SEC14L3: variants seen among roughly 807,000 people sequenced by gnomAD.
SEC14L3 encodes SEC14-like protein 3.
A neutral mutation model predicts 57.4 loss-of-function variants in SEC14L3; 56 were observed. The ratio of observed to expected loss-of-function variants is 0.97; its 90% confidence interval spans 0.79 to 1.22. SEC14L3 has a LOEUF of 1.22. Among genes scored for constraint, SEC14L3 ranks in the 50% most tolerant of loss-of-function variants. The pLI, the probability that SEC14L3 is intolerant of heterozygous loss-of-function variation, is 0.00. For synonymous variants in SEC14L3, 173 were observed against 194.4 expected (o/e 0.89, Z 0.92); for missense variants, 485 against 511.7 (o/e 0.95, Z 0.50).
chr22:30,449,604 G>T (rs1297514541), intron 12 of SEC14L3, among the ~76,000 whole-genome samples: 20 of 145,054 alleles, frequency 1.4e-4, no homozygotes, highest in Non-Finnish European at 2.7e-4. Flanking sequence ...TTGCTCTGTC[G>T]CCCAGGCTGG....
chr22:30,460,218 G>C, intron 11 of SEC14L3, 76 bp from the exon 12 acceptor site: 1 of 1,567,282 alleles, frequency 6.4e-7, no homozygotes, highest in Non-Finnish European at 8.7e-7. Context: ...CATGGAGGAG[G>C]ACAGGCTTGT....
intron 1 of SEC14L3, among the ~76,000 whole-genome samples, chr22:30,471,600 G>A (rs767413787): frequency 2.0e-5 from 3 of 152,106 alleles, no homozygotes; most frequent in Admixed American, 6.6e-5. Flanking sequence ...AGGGAGGAAC[G>A]GGGGTACCTG....
chr22:30,467,797 A>G (rs781206993), intron 5 of SEC14L3, among the ~76,000 whole-genome samples: 15 of 152,228 alleles, frequency 9.9e-5, no homozygotes, highest in African/African-American at 3.4e-4. Flanking sequence ...AATAGCTACC[A>G]TTGTTGAGAA....
At position 30,470,382 on chromosome 22, in the gene SEC14L3, G is replaced by C. The variant is rs148030714; in HGVS notation, c.130+125C>G. On this transcript the variant is annotated intron_variant, in intron 2 of 11. Transcript: ENST00000215812. ...GCTCCCCTACCCCCTTCCCTCCTCT[G>C]GACCTGAACATGTGAAGCAAGATTG... 4,636 of 1,595,266 alleles carry C rather than the reference G, an allele frequency of 2.9e-3. 47 individuals are homozygous for C. Among genetic ancestry groups the C allele is most frequent in the African/African-American group, 0.029 (2,155 of 74,538 alleles).
intron 2 of SEC14L3, 32 bp downstream of exon 2, chr22:30,470,475 C>T: frequency 1.9e-6 from 3 of 1,613,618 alleles, no homozygotes; most frequent in Non-Finnish European, 2.5e-6. Flanking sequence ...TTGATGCCCC[C>T]TGATCCCAAC....
In SEC14L3 at chr22:30,469,978, A is replaced by C. The variant is rs1225121813; in HGVS notation, c.234+41T>G. ...ATGGTCCCCAGTGACCTTGAGTGGT[A>C]CGTCCGTGAAAGACTGAGGTGTTTG... On this transcript the variant is annotated intron_variant, in intron 4 of 11. Transcript: ENST00000215812. 3 of 1,440,078 alleles carry C rather than the reference A, an allele frequency of 2.1e-6. No homozygotes were observed. In the East Asian group the frequency reaches 6.9e-5, roughly 33 times the overall value. 89.2% of individuals were successfully genotyped at this position (1,440,078 alleles called of 1,614,324 possible). A position where few individuals can be genotyped will look rare whatever the true frequency, so the allele number is the denominator to read the frequency against.
intron 3 of SEC14L3, 59 bp from the exon 4 acceptor site, chr22:30,470,137 T>C (rs1293601298): frequency 2.5e-6 from 4 of 1,611,920 alleles, no homozygotes; most frequent in African/African-American, 2.7e-5. Flanking sequence ...AGAACAGGGA[T>C]GGAAGGAGGG....
downstream of SEC14L3, among the ~76,000 whole-genome samples, chr22:30,454,546 TA>T (rs1569224945): frequency 2.1e-3 from 182 of 88,574 alleles, no homozygotes; most frequent in Middle Eastern, 5.4e-3. Context: ...AATAATATTA[TA>T]TATAATCTAT....
downstream of SEC14L3, among the ~76,000 whole-genome samples, chr22:30,454,535 T>TG (rs1935046331): frequency 5.2e-5 from 1 of 19,202 alleles, no homozygotes; most frequent in African/African-American, 6.5e-4. Flanking sequence ...ATATAATCTA[T>TG]AATAATATTA....
At chr22:30,455,255 T>C (rs1935101593), downstream of SEC14L3, among the ~76,000 whole-genome samples, 2 of 130,584 alleles carry the variant, frequency 1.5e-5, 1 homozygote, top group South Asian at 4.3e-4. Flanking sequence ...TTATATATAA[T>C]ATATTATATA....
downstream of SEC14L3, among the ~76,000 whole-genome samples, chr22:30,454,486 A>AATAATATTATTATATATAATCT (rs1935043535): frequency 7.1e-6 from 1 of 141,686 alleles, no homozygotes; most frequent in African/African-American, 2.6e-5. Flanking sequence ...TATAATCTAT[A>AATAATATTATTATATATAATCT]ATAATATTAT....
In SEC14L3 at chr22:30,459,978, G is replaced by A; in HGVS notation, c.*43C>T. ...GGAGGGAGTGTAGGATATAAACAGAGAAATCAAAGGGTTAGGAGGTCTCTG... is the reference window on the plus strand; with the variant it reads ...GGAGGGAGTGTAGGATATAAACAGAAAAATCAAAGGGTTAGGAGGTCTCTG... On this transcript the variant is annotated 3_prime_UTR_variant, in exon 12 of 12. Coordinates refer to ENST00000215812, the MANE Select transcript of SEC14L3 (RefSeq NM_174975.5). 1.9e-6 allele frequency: 3 copies of A among 1,603,962 alleles called. No homozygotes were observed. Among genetic ancestry groups the A allele is most frequent in the Non-Finnish European group, 2.6e-6 (3 of 1,173,486 alleles).
In SEC14L3 at chr22:30,467,046, A is replaced by G. The variant is rs1289714225; in HGVS notation, c.455T>C (p.Ile152Thr). The change falls in exon 6 of 12, where the codon ATA becomes ACA. Residue 152 changes from isoleucine (I) to threonine (T), a missense_variant. By Grantham distance (89) the Ile-to-Thr change is moderately conservative. Transcript: ENST00000215812. ...LGKKIETIVM[I>T]FDCEGLGLKH... ...CAGTCCCAGGCCCTCACAGTCAAAT[A>G]TCATCACGATGGTCTCAATCTTCTT... 1.7e-5 allele frequency: 28 copies of G among 1,614,064 alleles called. No individual in the cohort carries two copies. The highest frequency in any genetic ancestry group is 2.1e-5 in the Non-Finnish European group (25 of 1,179,974).
intron 12 of SEC14L3, among the ~76,000 whole-genome samples, chr22:30,450,323 T>C (rs1227094824): frequency 6.6e-6 from 1 of 152,066 alleles, no homozygotes; most frequent in Non-Finnish European, 1.5e-5. Context: ...TTATTTTTTT[T>C]GAGACGGAAT....
downstream of SEC14L3, among the ~76,000 whole-genome samples, chr22:30,455,117 T>TA (rs1215858614): frequency 1.6e-5 from 1 of 63,104 alleles, no homozygotes. Flanking sequence ...ATATTTAATA[T>TA]TTAATATATA....
chr22:30,455,961 A>G (rs566890492), downstream of SEC14L3, among the ~76,000 whole-genome samples: 10 of 152,244 alleles, frequency 6.6e-5, no homozygotes, highest in East Asian at 1.9e-3. Flanking sequence ...CTATGCTGCT[A>G]GCTTATCACT....
chr22:30,462,323 T>C, intron 8 of SEC14L3, 131 bp from the exon 9 acceptor site: 2 of 1,343,696 alleles, frequency 1.5e-6, no homozygotes, highest in East Asian at 2.5e-5. Context: ...AATTCCCCAG[T>C]GTCCTAGGCC....
chr22:30,449,369 T>C, intron 12 of SEC14L3: 1 of 1,294,086 alleles, frequency 7.7e-7, no homozygotes, highest in Admixed American at 2.5e-5. Flanking sequence ...GGATTCTATG[T>C]GTCATTCTAT....
chr22:30,464,236 A>C (rs1367621807), intron 8 of SEC14L3, among the ~76,000 whole-genome samples: 1 of 152,158 alleles, frequency 6.6e-6, no homozygotes, highest in African/African-American at 2.4e-5. Context: ...GGAAGCACTA[A>C]GCTTATGAGT....
Sources: gnomAD v4.1 joint callset for allele counts (sites outside exome capture counted in the v4.1 genomes callset) on GRCh38, gnomAD v4.1.1 for gene constraint, MANE v1.5 for transcripts, NCBI Gene and HGNC (gene_info 2026-07-23, HGNC 2026-07-21) for gene names.